The following REPS2 variants were observed in gnomAD, a reference collection of about 807,000 sequenced individuals.
REPS2 encodes ralBP1-associated Eps domain-containing protein 2.
In REPS2, 23 loss-of-function variants were observed where a neutral mutation model predicts 53.6. The ratio of observed to expected loss-of-function variants is 0.43; its 90% confidence interval spans 0.31 to 0.61. The LOEUF is 0.61. Ranked by LOEUF, REPS2 falls within the 20% of genes least tolerant of loss-of-function variation. REPS2 has a pLI of 0.11. For synonymous variants in REPS2, 238 were observed against 218.6 expected, an observed-to-expected ratio of 1.09 and a Z score of -0.78; for missense variants, 446 against 534.9, an observed-to-expected ratio of 0.83 and a Z score of 1.64.
rs560920899 is a variant in REPS2 at position 17,093,431 on chromosome X, T to C, written c.1517-10287T>C. 3.2e-4 allele frequency among the ~76,000 whole-genome samples: 35 copies of C among 108,286 alleles called. No homozygotes were observed. In the South Asian group the frequency reaches 0.014, roughly 44 times the overall value. 94.0% of individuals were successfully genotyped at this position (108,286 alleles called of 115,157 possible). A position where few individuals can be genotyped will look rare whatever the true frequency, so the allele number is the denominator to read the frequency against. On this transcript the variant is annotated intron_variant, in intron 13 of 17. Coordinates refer to ENST00000357277, the MANE Select transcript of REPS2 (RefSeq NM_004726.3). ...AGAGAGTTGGAAAAGTAAATAATCA[T>C]AGCTGATATCCTGATATTGTAGAGG...
the REPS2 span, among the ~76,000 whole-genome samples, chrX:17,180,989 A>G: frequency 0.025 from 2,770 of 111,643 alleles, 92 homozygotes; most frequent in African/African-American, 0.085. Context: ...AATCCCCAAT[A>G]TTTCAATCAG....
In REPS2 at chrX:17,152,374, A is replaced by G. The variant is rs1015047433; in HGVS notation, c.*4893A>G. The G allele has an allele frequency of 1.8e-5, 2 of 112,264 alleles. No individual in the cohort carries two copies. Among genetic ancestry groups the G allele is most frequent in the Non-Finnish European group, 1.9e-5 (1 of 53,254 alleles). 9.3% of individuals were successfully genotyped at this position (112,264 alleles called of 1,213,427 possible). On this transcript the variant is annotated 3_prime_UTR_variant, in exon 18 of 18. Transcript: ENST00000357277. ...GGTTTCAATACACAGGACATGTTCT[A>G]GTTACAGAAGCCTTGCTCTGCTGTC...
At chrX:17,028,020 G>A (rs2061668232) in intron 4 of REPS2, among the ~76,000 whole-genome samples, 1 of 111,072 alleles carries the variant, frequency 9.0e-6, no homozygotes, top group Admixed American at 9.6e-5. Flanking sequence ...AGTAGGAAGA[G>A]AAAATCTGCC....
chrX:17,076,846 CA>C (rs887241951), intron 12 of REPS2, among the ~76,000 whole-genome samples: 5 of 111,788 alleles, frequency 4.5e-5, no homozygotes, highest in African/African-American at 1.6e-4. Context: ...GTCCCAATTC[CA>C]CATGAGCCTG....
intron 17 of REPS2, among the ~76,000 whole-genome samples, chrX:17,140,735 A>ATATTATTAT (rs199967140): frequency 8.1e-4 from 73 of 89,629 alleles, no homozygotes; most frequent in South Asian, 1.8e-3. Context: ...GCATGCACAA[A>ATATTATTAT]TATTATTATT....
chrX:17,102,073 G>T (rs974591708), intron 13 of REPS2, among the ~76,000 whole-genome samples: 2,568 of 91,792 alleles, frequency 0.028, 90 homozygotes, highest in African/African-American at 0.099. Flanking sequence ...GTTATGTTAT[G>T]TTATGTTATT....
At chrX:16,991,321 T>C (rs1203693825) in intron 1 of REPS2, among the ~76,000 whole-genome samples, 2 of 110,927 alleles carry the variant, frequency 1.8e-5, no homozygotes, top group Non-Finnish European at 3.8e-5. Context: ...GAAACTCCAG[T>C]TTTGAGCTGG....
At chrX:17,043,510 C>T (rs114448827) in intron 5 of REPS2, among the ~76,000 whole-genome samples, 4 of 108,947 alleles carry the variant, frequency 3.7e-5, no homozygotes, top group African/African-American at 9.9e-5. Flanking sequence ...TCTTGCCCCC[C>T]CCCCCGGCTT....
At chrX:17,123,551 C>T (rs1468440145) in intron 14 of REPS2, among the ~76,000 whole-genome samples, 9 of 111,991 alleles carry the variant, frequency 8.0e-5, no homozygotes, top group Admixed American at 7.6e-4. Context: ...TCACTGGTAC[C>T]CACTTTCACC....
At chrX:17,167,235 C>T in the REPS2 span, among the ~76,000 whole-genome samples, 15 of 111,903 alleles carry the variant, frequency 1.3e-4, no homozygotes, top group Admixed American at 1.4e-3. Flanking sequence ...CAGAGATTGC[C>T]TTTGGGTGGT....
chrX:17,167,039 C>A, the REPS2 span, among the ~76,000 whole-genome samples: 3 of 111,725 alleles, frequency 2.7e-5, no homozygotes, highest in Non-Finnish European at 5.7e-5. Flanking sequence ...AGTTCTGGGG[C>A]CTTTTTATGT....
At chrX:16,947,985 G>T (rs1297354930) in intron 1 of REPS2, among the ~76,000 whole-genome samples, 1 of 112,186 alleles carries the variant, frequency 8.9e-6, no homozygotes, top group African/African-American at 3.2e-5. Flanking sequence ...TACTTGATAA[G>T]CCTTTGTCTG....
At chrX:17,031,025 C>T (rs1425655564) in intron 5 of REPS2, among the ~76,000 whole-genome samples, 1 of 112,419 alleles carries the variant, frequency 8.9e-6, no homozygotes, top group Non-Finnish European at 1.9e-5. Flanking sequence ...GTTTTATCCC[C>T]AAGTTGGAAA....
chrX:17,074,042 G>GTAC (rs1455033736), intron 11 of REPS2, 72 bp from the exon 12 acceptor site: 6 of 967,278 alleles, frequency 6.2e-6, no homozygotes, highest in Non-Finnish European at 8.9e-6. Flanking sequence ...GATGTGTTCT[G>GTAC]TACTAGCCCA....
At chrX:17,154,433 T>C (rs2063596105), downstream of REPS2, among the ~76,000 whole-genome samples, 1 of 112,475 alleles carries the variant, frequency 8.9e-6, no homozygotes, top group African/African-American at 3.2e-5. Flanking sequence ...GACAGAGACC[T>C]ACAAATGCAT....
chrX:17,007,908 G>A (rs1371118544), intron 2 of REPS2, among the ~76,000 whole-genome samples: 1 of 112,230 alleles, frequency 8.9e-6, no homozygotes. Context: ...AGAATATAAG[G>A]TTAGTAGAAT....
the REPS2 span, among the ~76,000 whole-genome samples, chrX:17,178,622 A>G: frequency 8.9e-6 from 1 of 111,902 alleles, no homozygotes. Context: ...CTCACCACAG[A>G]CAGGGGCTCT....
At chrX:16,974,351 T>C (rs921756317) in intron 1 of REPS2, among the ~76,000 whole-genome samples, 2 of 111,684 alleles carry the variant, frequency 1.8e-5, no homozygotes, top group South Asian at 3.7e-4. Context: ...TTTTGTAGAA[T>C]GTACCAAATT....
At chrX:17,032,972 A>C (rs181294086) in intron 5 of REPS2, among the ~76,000 whole-genome samples, 2 of 112,328 alleles carry the variant, frequency 1.8e-5, no homozygotes, top group African/African-American at 6.5e-5. Context: ...AAATTATAAG[A>C]CTTATTTTCT....
Sources: allele counts gnomAD v4.1 joint callset (sites outside exome capture counted in the v4.1 genomes callset), GRCh38; gene constraint gnomAD v4.1.1; transcripts MANE v1.5; gene names NCBI Gene and HGNC (gene_info 2026-07-23, HGNC 2026-07-21).